The following PARP8 variants were observed in gnomAD, a reference collection of about 807,000 sequenced individuals.
PARP8 encodes protein mono-ADP-ribosyltransferase PARP8.
Under a neutral mutation model 124.1 loss-of-function variants are expected in PARP8, and 51 were observed. That is an observed-to-expected ratio of 0.41 (90% CI 0.33 to 0.52). The LOEUF (loss-of-function observed/expected upper bound fraction) is 0.52, where lower values mean the gene tolerates loss of function less well. Among genes scored for constraint, PARP8 ranks in the 20% least tolerant of loss-of-function variants. The probability of loss-of-function intolerance (pLI) is 0.21; values close to 1 mark genes in which losing one functional copy is unlikely to be tolerated. For missense variants in PARP8, 860 were observed against 1,018.9 expected, an observed-to-expected ratio of 0.84 and a Z score of 2.12; for synonymous variants, 391 against 361.5, an observed-to-expected ratio of 1.08 and a Z score of -0.93.
intron 7 of PARP8, among the ~76,000 whole-genome samples, chr5:50,768,840 T>C (rs575985590): frequency 6.6e-5 from 10 of 152,266 alleles, no homozygotes; most frequent in East Asian, 3.9e-4. Flanking sequence ...GTGGGAAATA[T>C]GAAATTACTG....
At chr5:50,677,546 G>A (rs1196210217) in intron 2 of PARP8, among the ~76,000 whole-genome samples, 21 of 152,110 alleles carry the variant, frequency 1.4e-4, no homozygotes, top group Admixed American at 1.2e-3. Flanking sequence ...TTTCAGTTAG[G>A]TGATTTCAAT....
intron 2 of PARP8, among the ~76,000 whole-genome samples, chr5:50,682,637 C>T (rs1027672589): frequency 6.6e-6 from 1 of 152,088 alleles, no homozygotes; most frequent in Non-Finnish European, 1.5e-5. Flanking sequence ...AATCTTTCCC[C>T]TGTAAAATTA....
At chr5:50,828,984 A>G (rs993601159) in intron 21 of PARP8, among the ~76,000 whole-genome samples, 1 of 152,212 alleles carries the variant, frequency 6.6e-6, no homozygotes, top group African/African-American at 2.4e-5. Flanking sequence ...GTAGAAAAAC[A>G]TTATCATGCA....
intron 7 of PARP8, among the ~76,000 whole-genome samples, chr5:50,764,052 T>G (rs1156253683): frequency 6.6e-6 from 1 of 152,234 alleles, no homozygotes; most frequent in Admixed American, 6.5e-5. Flanking sequence ...CACTGCTGTC[T>G]GTATTTAAGC....
chr5:50,804,463 C>T (rs914105897), intron 14 of PARP8, among the ~76,000 whole-genome samples: 18 of 152,160 alleles, frequency 1.2e-4, no homozygotes, highest in African/African-American at 3.6e-4. Flanking sequence ...CAATACTTGC[C>T]AGTAGCACTT....
intron 2 of PARP8, chr5:50,745,076 G>C (rs1758407760): frequency 3.9e-6 from 1 of 258,666 alleles, no homozygotes; most frequent in Non-Finnish European, 7.3e-6. Flanking sequence ...CAGTCCTGGT[G>C]ATTTTCCTTC....
At chr5:50,769,466 T>C (rs1761385857) in intron 7 of PARP8, among the ~76,000 whole-genome samples, 1 of 152,080 alleles carries the variant, frequency 6.6e-6, no homozygotes, top group Non-Finnish European at 1.5e-5. Context: ...TTATAAGTTG[T>C]TGTAACCATT....
intron 7 of PARP8, among the ~76,000 whole-genome samples, chr5:50,776,458 A>T (rs1740029020): frequency 6.6e-6 from 1 of 152,180 alleles, no homozygotes; most frequent in African/African-American, 2.4e-5. Flanking sequence ...GTTTGAAAAT[A>T]GTTTGCAAAG....
intron 3 of PARP8, chr5:50,757,162 G>C (rs775165455): frequency 6.6e-6 from 3 of 455,784 alleles, no homozygotes; most frequent in African/African-American, 2.0e-5. Flanking sequence ...TGGAGATATT[G>C]CTTCAAGATC....
intron 10 of PARP8, among the ~76,000 whole-genome samples, chr5:50,793,144 G>A (rs1742150296): frequency 6.6e-6 from 1 of 152,112 alleles, no homozygotes; most frequent in Admixed American, 6.5e-5. Context: ...AGGCAAAAAT[G>A]TGCATATAAC....
intron 14 of PARP8, among the ~76,000 whole-genome samples, chr5:50,802,427 G>A (rs1743333555): frequency 1.3e-5 from 2 of 152,082 alleles, no homozygotes; most frequent in Admixed American, 6.6e-5. Flanking sequence ...TGATCTTCCT[G>A]CTTGCATCAC....
At position 50,744,299 on chromosome 5, in the gene PARP8, G is replaced by A. The variant is rs142454038; in HGVS notation, c.147-5852G>A. ...TTCTTAGCTCATTGCAGACATTTCAGAAGGAAAAGGATGGTAATGGAGTGA... is the reference window on the plus strand; with the variant it reads ...TTCTTAGCTCATTGCAGACATTTCAAAAGGAAAAGGATGGTAATGGAGTGA... On this transcript the variant is annotated intron_variant, in intron 2 of 25. Transcript: ENST00000281631. Among the ~76,000 whole-genome samples the A allele has an allele frequency of 5.4e-4, 83 of 152,312 alleles. No individual in the cohort carries two copies. The East Asian group carries it at 0.014, about 25-fold the overall frequency.
At chr5:50,694,832 C>T (rs1752851381) in intron 2 of PARP8, among the ~76,000 whole-genome samples, 1 of 152,312 alleles carries the variant, frequency 6.6e-6, no homozygotes, top group East Asian at 1.9e-4. Flanking sequence ...GTGCAGCCTT[C>T]AGTCTGTGCC....
chr5:50,757,175 G>T (rs2149569794), intron 3 of PARP8: 2 of 455,850 alleles, frequency 4.4e-6, no homozygotes, highest in Middle Eastern at 6.5e-4. Flanking sequence ...TCAAGATCCT[G>T]GTTCCGTTTC....
rs1487137515 is a variant in PARP8 at position 50,667,981 on chromosome 5, CTG to C, written c.92-89_92-88del. On this transcript the variant is annotated intron_variant, in intron 1 of 25. Coordinates refer to ENST00000281631, the MANE Select transcript of PARP8 (RefSeq NM_024615.4). ...TGCCTTCTGCCCGGCCAGGCCTCCC[CTG>C]ACACCACCGAATGTGGGGCTCAAGT... 3.7e-6 allele frequency: 6 copies of C among 1,605,638 alleles called. No homozygotes were observed. The Admixed American group carries it at 1.0e-4, about 27-fold the overall frequency.
At chr5:50,784,743 G>T (rs1224320667) in intron 9 of PARP8, among the ~76,000 whole-genome samples, 2 of 151,974 alleles carry the variant, frequency 1.3e-5, no homozygotes, top group Non-Finnish European at 2.9e-5. Flanking sequence ...TTATGTATCA[G>T]TACAGTTCTG....
chr5:50,752,703 A>G (rs1163431717), intron 3 of PARP8, among the ~76,000 whole-genome samples: 1 of 152,024 alleles, frequency 6.6e-6, no homozygotes, highest in Non-Finnish European at 1.5e-5. Flanking sequence ...TAATCTTGAT[A>G]CTACATTTAT....
chr5:50,756,155 T>C (rs1467792524), intron 3 of PARP8, among the ~76,000 whole-genome samples: 1 of 152,164 alleles, frequency 6.6e-6, no homozygotes. Context: ...CCTCTTTTGC[T>C]AATTGAATAC....
chr5:50,786,610 C>T (rs1741279589), intron 9 of PARP8, among the ~76,000 whole-genome samples: 1 of 151,830 alleles, frequency 6.6e-6, no homozygotes, highest in South Asian at 2.1e-4. Context: ...TCAAGCAATT[C>T]ACCTGCCTGA....
Sources: allele counts gnomAD v4.1 joint callset (sites outside exome capture counted in the v4.1 genomes callset), GRCh38; gene constraint gnomAD v4.1.1; transcripts MANE v1.5; gene names NCBI Gene and HGNC (gene_info 2026-07-23, HGNC 2026-07-21).